Variants in CALCRL observed in about 807,000 individuals in gnomAD.
The protein encoded by CALCRL is calcitonin receptor like receptor, also known as calcitonin gene-related peptide type 1 receptor.
In CALCRL, 27 loss-of-function variants were observed where a neutral mutation model predicts 60.4. That is an observed-to-expected ratio of 0.45 (90% CI 0.33 to 0.62). The LOEUF (loss-of-function observed/expected upper bound fraction) is 0.62. Ranked by LOEUF, CALCRL falls within the 20% of genes least tolerant of loss-of-function variation. The pLI is 0.03. For missense variants in CALCRL, 424 were observed against 540.7 expected, an observed-to-expected ratio of 0.78 and a Z score of 2.14; for synonymous variants, 190 against 182.6, an observed-to-expected ratio of 1.04 and a Z score of -0.33.
intron 1 of CALCRL, among the ~76,000 whole-genome samples, chr2:187,418,693 A>G (rs1689726435): frequency 6.6e-6 from 1 of 152,154 alleles, no homozygotes; most frequent in African/African-American, 2.4e-5. Context: ...TAAGTAATTT[A>G]CCAACCTTTG....
chr2:187,446,570 T>C (rs1691196884), intron 1 of CALCRL, among the ~76,000 whole-genome samples: 1 of 151,702 alleles, frequency 6.6e-6, no homozygotes, highest in African/African-American at 2.4e-5. Context: ...ATAATCTGAA[T>C]TAAAAATAAT....
chr2:187,397,124 T>C (rs959969691), intron 1 of CALCRL, among the ~76,000 whole-genome samples: 2 of 151,770 alleles, frequency 1.3e-5, no homozygotes, highest in African/African-American at 2.4e-5. Flanking sequence ...GCACTAAATA[T>C]GACTTATTAT....
intron 8 of CALCRL, among the ~76,000 whole-genome samples, chr2:187,367,951 A>G (rs947716736): frequency 6.6e-6 from 1 of 152,082 alleles, no homozygotes; most frequent in African/African-American, 2.4e-5. Context: ...ATTATGCTTT[A>G]TATGTAATGA....
chr2:187,355,643 A>G (rs964798687), intron 12 of CALCRL, among the ~76,000 whole-genome samples: 4 of 151,974 alleles, frequency 2.6e-5, no homozygotes, highest in Non-Finnish European at 4.4e-5. Context: ...ATACACAAGC[A>G]CATATATAAA....
Position 187,383,154 on chromosome 2 carries a change from A to G in CALCRL, c.184+19T>C. ...TAAAAATATGTCAAATGCATTTACA[A>G]CTAAGTAGCCATGCTTACCTTCTGC... On this transcript the variant is annotated intron_variant, in intron 5 of 14. Transcript: ENST00000392370. 6.2e-7 allele frequency: 1 copy of G among 1,605,496 alleles called. No homozygotes were observed.
chr2:187,418,904 G>A (rs765520804), intron 1 of CALCRL, among the ~76,000 whole-genome samples: 172 of 144,444 alleles, frequency 1.2e-3, no homozygotes, highest in Non-Finnish European at 2.0e-3. Flanking sequence ...TCACCAGGCT[G>A]GGGTGCAGTG....
intron 1 of CALCRL, among the ~76,000 whole-genome samples, chr2:187,414,474 A>G (rs941530857): frequency 6.6e-6 from 1 of 152,168 alleles, no homozygotes; most frequent in Non-Finnish European, 1.5e-5. Flanking sequence ...AATTTATTTA[A>G]AATTCACTTT....
At chr2:187,429,956 G>A (rs1690325846) in intron 1 of CALCRL, among the ~76,000 whole-genome samples, 1 of 152,188 alleles carries the variant, frequency 6.6e-6, no homozygotes, top group African/African-American at 2.4e-5. Flanking sequence ...CACACAGATA[G>A]TGGAGGCCAA....
Position 187,348,950 on chromosome 2 carries a change from G to A in CALCRL, c.1171-2551C>T, listed in dbSNP as rs960492549. ...TTGTTTTATGCATGACCATGTATAA[G>A]TAGTAAGGCAAATGTTTAGAATGTA... On this transcript the variant is annotated intron_variant, in intron 14 of 14. Coordinates refer to ENST00000392370, the MANE Select transcript of CALCRL (RefSeq NM_005795.6). Among the ~76,000 whole-genome samples the A allele has an allele frequency of 5.9e-5, 9 of 151,796 alleles. No homozygotes were observed. The South Asian group carries it at 6.2e-4, about 10-fold the overall frequency.
intron 5 of CALCRL, 137 bp downstream of exon 5, chr2:187,383,036 T>C (rs1274680371): frequency 1.3e-6 from 1 of 773,454 alleles, no homozygotes; most frequent in African/African-American, 1.8e-5. Context: ...TCTTCAAACA[T>C]AATTAAAACT....
At chr2:187,445,361 T>C (rs1232080001) in intron 1 of CALCRL, among the ~76,000 whole-genome samples, 9 of 151,786 alleles carry the variant, frequency 5.9e-5, no homozygotes, top group African/African-American at 2.2e-4. Context: ...GATACTGTAA[T>C]CATTATATCT....
intron 12 of CALCRL, 121 bp from the exon 13 acceptor site, chr2:187,352,453 A>G: frequency 1.6e-6 from 1 of 631,486 alleles, no homozygotes; most frequent in Non-Finnish European, 2.8e-6. Context: ...ATATTTTTAA[A>G]GGGTATTATT....
intron 14 of CALCRL, 41 bp from the exon 15 acceptor site, chr2:187,346,440 A>G (rs2105679035): frequency 7.1e-7 from 1 of 1,400,112 alleles, no homozygotes; most frequent in Non-Finnish European, 9.9e-7. Context: ...AGAACAACCC[A>G]TTAATTGAAA....
intron 1 of CALCRL, among the ~76,000 whole-genome samples, chr2:187,399,971 G>C (rs1422732514): frequency 6.6e-6 from 1 of 151,440 alleles, no homozygotes. Context: ...GATATGGAGA[G>C]AATGGTAAAA....
chr2:187,380,222 A>G (rs1047583010), intron 7 of CALCRL, among the ~76,000 whole-genome samples: 6 of 152,176 alleles, frequency 3.9e-5, no homozygotes, highest in Non-Finnish European at 8.8e-5. Context: ...TTGAAACCCC[A>G]ATACTGAAAC....
At chr2:187,359,324 T>C in intron 10 of CALCRL, 52 bp from the exon 11 acceptor site, 1 of 1,318,878 alleles carries the variant, frequency 7.6e-7, no homozygotes, top group South Asian at 1.4e-5. Flanking sequence ...CTACAGATGG[T>C]ATTTCAAAAA....
chr2:187,399,611 T>C (rs1341536340), intron 1 of CALCRL, among the ~76,000 whole-genome samples: 1 of 151,492 alleles, frequency 6.6e-6, no homozygotes, highest in Non-Finnish European at 1.5e-5. Context: ...AAGCGACTTA[T>C]AGCTAGAATA....
intron 12 of CALCRL, among the ~76,000 whole-genome samples, chr2:187,354,276 G>C (rs1312008979): frequency 6.6e-6 from 1 of 151,888 alleles, no homozygotes; most frequent in Non-Finnish European, 1.5e-5. Flanking sequence ...ACAGGAACTG[G>C]GGTAAATCTA....
rs757986895 is a variant in CALCRL at position 187,394,932 on chromosome 2, ATGT to A, written c.-292-7179_-292-7177del. 2.0e-5 allele frequency among the ~76,000 whole-genome samples: 3 copies of A among 152,050 alleles called. No individual in the cohort carries two copies. In the South Asian group the frequency reaches 6.2e-4, roughly 31 times the overall value. On this transcript the variant is annotated intron_variant, in intron 1 of 14. Coordinates refer to ENST00000392370, the MANE Select transcript of CALCRL (RefSeq NM_005795.6). ...TGCTAATCAATGCCTGGCTAAATCA[ATGT>A]TGCCTATAACTTTTATCATAGCTCA...
Sources: gnomAD v4.1 joint callset for allele counts (sites outside exome capture counted in the v4.1 genomes callset) on GRCh38, gnomAD v4.1.1 for gene constraint, MANE v1.5 for transcripts, NCBI Gene and HGNC (gene_info 2026-07-23, HGNC 2026-07-21) for gene names.